The following GCGR variants were observed in gnomAD, a reference collection of about 807,000 sequenced individuals.
GCGR encodes glucagon receptor.
Under a neutral mutation model 56.1 loss-of-function variants are expected in GCGR, and 41 were observed. The ratio of observed to expected loss-of-function variants is 0.73; its 90% CI spans 0.57 to 0.95. The LOEUF (loss-of-function observed/expected upper bound fraction) is 0.95, where lower values mean the gene tolerates loss of function less well. GCGR is among the 40% of genes least tolerant of loss of function. GCGR has a pLI of 0.00. For synonymous variants in GCGR, 278 were observed against 271.1 expected (o/e 1.03, Z -0.25); for missense variants, 595 against 638.2 (o/e 0.93, Z 0.73).
In GCGR at chr17:81,804,842, A is replaced by G. The variant is rs1461162732; in HGVS notation, c.-178+593A>G. Reference sequence around the variant, plus strand: ...CCGGCTCCGGCCCCCCCGGCGCCCCACCACCCGGCCGACTCGGCCACCGGG... The same window carrying G: ...CCGGCTCCGGCCCCCCCGGCGCCCCGCCACCCGGCCGACTCGGCCACCGGG... On this transcript the variant is annotated intron_variant, in intron 1 of 13. Coordinates refer to ENST00000400723, the MANE Select transcript of GCGR (RefSeq NM_000160.5). The surrounding 1 kb of genome is among the most constrained non-coding windows in gnomAD (Gnocchi z 8.2). Among the ~76,000 whole-genome samples the G allele has an allele frequency of 2.0e-5, 3 of 151,550 alleles. No individual in the cohort carries two copies. The highest frequency in any genetic ancestry group is 2.0e-4 in the Admixed American group (3 of 15,260).
In GCGR at chr17:81,813,153, G is replaced by A; in HGVS notation, c.1218+96G>A. On this transcript the variant is annotated intron_variant, in intron 13 of 13. Coordinates refer to ENST00000400723, the MANE Select transcript of GCGR (RefSeq NM_000160.5). The surrounding 1 kb of genome is among the most constrained non-coding windows in gnomAD (Gnocchi z 5.3). ...GGATGCCAGCCCCACCCCTGCCCGG[G>A]GGTTGGAACACGTGGGGCCCAAGCC... 1 of 1,510,110 alleles carries A rather than the reference G, an allele frequency of 6.6e-7. No individual in the cohort carries two copies. 93.5% of individuals were successfully genotyped at this position (1,510,110 alleles called of 1,614,324 possible). A position where few individuals can be genotyped will look rare whatever the true frequency, so the allele number is the denominator to read the frequency against.
In GCGR at chr17:81,813,602, G is replaced by C. The variant is rs2038151968; in HGVS notation, c.1347G>C (p.Gln449His). The C allele has an allele frequency of 6.5e-7, 1 of 1,536,490 alleles. No individual in the cohort carries two copies. The highest frequency in any genetic ancestry group is 1.4e-5 in the African/African-American group (1 of 73,030). ...ACGGCCCTCCCAGCAAGGAGCTGCA[G>C]TTTGGGAGGGGTGGTGGCAGCCAGG... ...PGHGPPSKEL[Q>H]FGRGGGSQDS... Residue 449 changes from glutamine (Q) to histidine (H), a missense_variant, in exon 14 of 14, where the codon CAG (glutamine) becomes CAC (histidine). By Grantham distance (24) the Gln-to-His change is conservative. Transcript: ENST00000400723. The surrounding 1 kb of genome is among the most constrained non-coding windows in gnomAD (Gnocchi z 5.3).
At position 81,806,078 on chromosome 17, in the gene GCGR, C is replaced by T. The variant is rs939296837; in HGVS notation, c.-178+1829C>T. Among the ~76,000 whole-genome samples the T allele has an allele frequency of 6.6e-5, 10 of 152,098 alleles. No individual in the cohort carries two copies. The highest frequency in any genetic ancestry group is 9.7e-5 in the African/African-American group (4 of 41,418). On this transcript the variant is annotated intron_variant, in intron 1 of 13. Transcript: ENST00000400723. This position sits in a 1 kb window ranked among gnomAD's most constrained non-coding sequence, Gnocchi z 6.5. The stretch of plus-strand genomic sequence containing the variant: ...ACTTGGGAAGTTAAATCGTCGTCCC[C>T]GTCCCAGGACCACAGCAGCCTCAGC...
In GCGR at chr17:81,812,599, G is replaced by T; in HGVS notation, c.971G>T (p.Arg324Leu). 6.5e-7 allele frequency: 1 copy of T among 1,536,460 alleles called. No individual in the cohort carries two copies. Among genetic ancestry groups the T allele is most frequent in the Non-Finnish European group, 8.7e-7 (1 of 1,146,732 alleles). Residue 324 changes from arginine (R) to leucine (L), a missense_variant, in exon 11 of 14, where the codon CGC becomes CTC. Transcript: ENST00000400723. This position sits in a 1 kb window ranked among gnomAD's most constrained non-coding sequence, Gnocchi z 8.5. ...AILINFFIFV[R>L]IVQLLVAKLR... ...CAGATCAACTTCTTCATCTTCGTCCGCATCGTTCAGCTGCTCGTGGCCAAG... is the reference window on the plus strand; with the variant it reads ...CAGATCAACTTCTTCATCTTCGTCCTCATCGTTCAGCTGCTCGTGGCCAAG...
At chr17:81,809,139 GCT>G in intron 2 of GCGR, 61 bp downstream of exon 2, 1 of 1,504,050 alleles carries the variant, frequency 6.6e-7, no homozygotes. Context: ...CACACTGATG[GCT>G]CTCTGTCTGC....
At chr17:81,809,743 C>CTGCCTGCCTG in intron 2 of GCGR, 39 bp from the exon 3 acceptor site, 1 of 1,381,764 alleles carries the variant, frequency 7.2e-7, no homozygotes, top group South Asian at 1.3e-5. Flanking sequence ...GCCTGCCTGT[C>CTGCCTGCCTG]TGTCTGTCTG....
rs1598236484 is a variant in GCGR at position 81,810,155 on chromosome 17, A to G, written c.163+271A>G. 4 of 545,938 alleles carry G rather than the reference A, an allele frequency of 7.3e-6. No individual in the cohort carries two copies. Among genetic ancestry groups the G allele is most frequent in the East Asian group, 3.3e-5 (1 of 30,418 alleles). 33.8% of individuals were successfully genotyped at this position (545,938 alleles called of 1,614,324 possible). Reference sequence around the variant, plus strand: ...CTGCTGCTGCTGCCCCCAGGCCCAGATGGGTAATACCACCTACAGCCCCGT... The same window carrying G: ...CTGCTGCTGCTGCCCCCAGGCCCAGGTGGGTAATACCACCTACAGCCCCGT... On this transcript the variant is annotated intron_variant, in intron 3 of 13. Transcript: ENST00000400723. This position sits in a 1 kb window ranked among gnomAD's most constrained non-coding sequence, Gnocchi z 4.6.
intron 1 of GCGR, among the ~76,000 whole-genome samples, chr17:81,807,371 G>T (rs530119673): frequency 2.6e-5 from 4 of 152,348 alleles, no homozygotes; most frequent in African/African-American, 9.6e-5. Context: ...TGACGCAGGT[G>T]CCTGTCCCTG....
chr17:81,813,975 A>C lies in GCGR; in HGVS notation c.*286A>C. On this transcript the variant is annotated 3_prime_UTR_variant, in exon 14 of 14. Transcript: ENST00000400723. This position sits in a 1 kb window ranked among gnomAD's most constrained non-coding sequence, Gnocchi z 5.3. ...TGTCGGCACGTCCCATGTGCATGGAAATGTCCTCCAACAATAAAGAGCTCA... is the reference window on the plus strand; with the variant it reads ...TGTCGGCACGTCCCATGTGCATGGACATGTCCTCCAACAATAAAGAGCTCA... 1 of 474,868 alleles carries C rather than the reference A, an allele frequency of 2.1e-6. No individual in the cohort carries two copies. The highest frequency in any genetic ancestry group is 3.8e-6 in the Non-Finnish European group (1 of 261,842). 29.4% of individuals were successfully genotyped at this position (474,868 alleles called of 1,614,324 possible).
Position 81,813,204 on chromosome 17 carries a change from T to G in GCGR, c.1218+147T>G. ...TTTCCCTCCCCCTGCTCTTATTGGGTGCAGTTGCCATGGCGCTGGGTGTCA... is the reference window on the plus strand; with the variant it reads ...TTTCCCTCCCCCTGCTCTTATTGGGGGCAGTTGCCATGGCGCTGGGTGTCA... On this transcript the variant is annotated intron_variant, in intron 13 of 13. Transcript: ENST00000400723. The surrounding 1 kb of genome is among the most constrained non-coding windows in gnomAD (Gnocchi z 5.3). The G allele has an allele frequency of 7.6e-7, 1 of 1,312,324 alleles. No homozygotes were observed. Among genetic ancestry groups the G allele is most frequent in the Non-Finnish European group, 1.1e-6 (1 of 947,024 alleles). 81.3% of individuals were successfully genotyped at this position (1,312,324 alleles called of 1,614,324 possible). A position where few individuals can be genotyped will look rare whatever the true frequency, so the allele number is the denominator to read the frequency against.
rs1191536339 is a variant in GCGR, at chr17:81,810,966, G to T, written c.271+34G>T. ...AGAGGGGAGGAACTGTGGGGGGGGC[G>T]GGCCCAGGGTGGGGCTGACCCCAGC... On this transcript the variant is annotated intron_variant, in intron 4 of 13. Transcript: ENST00000400723. The surrounding 1 kb of genome is among the most constrained non-coding windows in gnomAD (Gnocchi z 4.6). 1.3e-6 allele frequency: 2 copies of T among 1,533,986 alleles called. No individual in the cohort carries two copies. The highest frequency in any genetic ancestry group is 2.4e-5 in the South Asian group (2 of 84,020).
intron 2 of GCGR, among the ~76,000 whole-genome samples, chr17:81,809,279 TCTGC>T (rs1438811818): frequency 2.6e-5 from 3 of 116,662 alleles, no homozygotes; most frequent in Non-Finnish European, 5.5e-5. Context: ...TGCCTGCCTG[TCTGC>T]CTGTCCGTCT....
chr17:81,812,697 C>T lies in GCGR; in HGVS notation c.1037+32C>T. On this transcript the variant is annotated intron_variant, in intron 11 of 13. Coordinates refer to ENST00000400723, the MANE Select transcript of GCGR (RefSeq NM_000160.5). The surrounding 1 kb of genome is among the most constrained non-coding windows in gnomAD (Gnocchi z 8.5). ...GCCGCGGCAGCTGGCGTCTCGAGACCTGGAGACCCTCAGGGCCAGAGGGCA... is the reference window on the plus strand; with the variant it reads ...GCCGCGGCAGCTGGCGTCTCGAGACTTGGAGACCCTCAGGGCCAGAGGGCA... The T allele has an allele frequency of 6.5e-7, 1 of 1,531,152 alleles. No individual in the cohort carries two copies. Among genetic ancestry groups the T allele is most frequent in the Non-Finnish European group, 8.7e-7 (1 of 1,142,870 alleles). The allele number at this position is 1,531,152 out of a possible 1,614,324, so 94.8% of individuals were successfully genotyped here.
rs568448832 is a variant in GCGR at position 81,809,190 on chromosome 17, G to C, written c.60+112G>C. The C allele has an allele frequency of 8.7e-6, 11 of 1,267,316 alleles. No individual in the cohort carries two copies. The South Asian group carries it at 1.3e-4, about 15-fold the overall frequency. 78.5% of individuals were successfully genotyped at this position (1,267,316 alleles called of 1,614,324 possible). ...TGCCTGTCTGCCTGCCTGTCTGTCT[G>C]TCTGCCCGTCTGCCTGCCCATCTGC... On this transcript the variant is annotated intron_variant, in intron 2 of 13. Coordinates refer to ENST00000400723, the MANE Select transcript of GCGR (RefSeq NM_000160.5).
Position 81,813,610 on chromosome 17 carries a change from GGGGTGGT to G in GCGR, c.1358_1364del (p.Gly453AlafsTer31), listed in dbSNP as rs1171647513. The G allele has an allele frequency of 1.3e-6, 2 of 1,536,530 alleles. No homozygotes were observed. Among genetic ancestry groups the G allele is most frequent in the East Asian group, 4.9e-5 (2 of 40,916 alleles). ...CCCAGCAAGGAGCTGCAGTTTGGGA[GGGGTGGT>G]GGCAGCCAGGATTCATCTGCGGAGA... On this transcript the variant is annotated frameshift_variant, in exon 14 of 14. Transcript: ENST00000400723. LOFTEE classifies it low-confidence loss of function (END_TRUNC). This position sits in a 1 kb window ranked among gnomAD's most constrained non-coding sequence, Gnocchi z 5.3.
In GCGR at chr17:81,806,536, G is replaced by A. The variant is rs999278994; in HGVS notation, c.-178+2287G>A. ...GGGCAGCCAACCCCTCCCTCGGCTC[G>A]CTGGGGTCTCCAGACTGGCTGCCCG... is the stretch of plus-strand genomic sequence containing the variant. On this transcript the variant is annotated intron_variant, in intron 1 of 13. Coordinates refer to ENST00000400723, the MANE Select transcript of GCGR (RefSeq NM_000160.5). The surrounding 1 kb of genome is among the most constrained non-coding windows in gnomAD (Gnocchi z 6.5). Among the ~76,000 whole-genome samples the A allele has an allele frequency of 3.9e-5, 6 of 152,176 alleles. No homozygotes were observed. The highest frequency in any genetic ancestry group is 5.9e-5 in the Non-Finnish European group (4 of 68,018).
chr17:81,809,745 G>C lies in GCGR; in HGVS notation c.61-37G>C, dbSNP rs752719269. 1.7e-5 allele frequency: 26 copies of C among 1,488,072 alleles called. 1 individual carries two copies. The South Asian group carries it at 2.2e-4, about 12-fold the overall frequency. 92.2% of individuals were successfully genotyped at this position (1,488,072 alleles called of 1,614,324 possible). A position where few individuals can be genotyped will look rare whatever the true frequency, so the allele number is the denominator to read the frequency against. Reference sequence around the variant, plus strand: ...TGCCTGTCTGTCTGCCTGCCTGTCTGTCTGTCTGTCTGGTTGCTTGTGCAT... The same window carrying C: ...TGCCTGTCTGTCTGCCTGCCTGTCTCTCTGTCTGTCTGGTTGCTTGTGCAT... On this transcript the variant is annotated intron_variant, in intron 2 of 13. Transcript: ENST00000400723.
At position 81,813,164 on chromosome 17, in the gene GCGR, C is replaced by A. The variant is rs1345487462; in HGVS notation, c.1218+107C>A. 2.7e-6 allele frequency: 4 copies of A among 1,475,856 alleles called. No individual in the cohort carries two copies. In the African/African-American group the frequency reaches 4.2e-5, roughly 15 times the overall value. The allele number at this position is 1,475,856 out of a possible 1,614,324, so 91.4% of individuals were successfully genotyped here. A position where few individuals can be genotyped will look rare whatever the true frequency, so the allele number is the denominator to read the frequency against. Reference sequence around the variant, plus strand: ...CCACCCCTGCCCGGGGGTTGGAACACGTGGGGCCCAAGCCTTTCCCTCCCC... The same window carrying A: ...CCACCCCTGCCCGGGGGTTGGAACAAGTGGGGCCCAAGCCTTTCCCTCCCC... On this transcript the variant is annotated intron_variant, in intron 13 of 13. Transcript: ENST00000400723. This position sits in a 1 kb window ranked among gnomAD's most constrained non-coding sequence, Gnocchi z 5.3.
At position 81,806,659 on chromosome 17, in the gene GCGR, G is replaced by A. The variant is rs1225217616; in HGVS notation, c.-177-2183G>A. Among the ~76,000 whole-genome samples the A allele has an allele frequency of 2.6e-5, 4 of 152,154 alleles. No homozygotes were observed. Among genetic ancestry groups the A allele is most frequent in the African/African-American group, 4.8e-5 (2 of 41,428 alleles). On this transcript the variant is annotated intron_variant, in intron 1 of 13. Transcript: ENST00000400723. This position sits in a 1 kb window ranked among gnomAD's most constrained non-coding sequence, Gnocchi z 6.5. Reference sequence around the variant, plus strand: ...CTCTAGAGTCAACATGACAGGCATCGAATGGCTCCTGTTTCTCTGGCAGAG... The same window carrying A: ...CTCTAGAGTCAACATGACAGGCATCAAATGGCTCCTGTTTCTCTGGCAGAG...
Sources: gnomAD v4.1 joint callset for allele counts (sites outside exome capture counted in the v4.1 genomes callset) on GRCh38, gnomAD v4.1.1 for gene constraint, Gnocchi (gnomAD v3.1) non-coding constraint, MANE v1.5 for transcripts, NCBI Gene and HGNC (gene_info 2026-07-23, HGNC 2026-07-21) for gene names.